The following ARFGAP3 variants were observed in gnomAD, a reference collection of about 807,000 sequenced individuals.
The protein encoded by ARFGAP3 is ARF GTPase activating protein 3, also known as ADP-ribosylation factor GTPase-activating protein 3.
A neutral mutation model predicts 75.0 loss-of-function variants in ARFGAP3; 72 were observed. The observed-to-expected ratio is 0.96, with a 90% CI of 0.79 to 1.17. The LOEUF is 1.17. ARFGAP3 is among the 50% of genes most tolerant of loss of function. ARFGAP3 has a pLI of 0.00. For synonymous variants in ARFGAP3, 221 were observed against 217.9 expected, an observed-to-expected ratio of 1.01 and a Z score of -0.13; for missense variants, 620 against 626.6, an observed-to-expected ratio of 0.99 and a Z score of 0.11.
At chr22:42,857,055 GC>G in intron 1 of ARFGAP3, 58 bp downstream of exon 1, 1 of 1,458,260 alleles carries the variant, frequency 6.9e-7, no homozygotes, top group Admixed American at 2.5e-5. Flanking sequence ...CGCCCGCGGG[GC>G]CTCCCGCCGG....
At chr22:42,852,266 C>T (rs1927309514) in intron 1 of ARFGAP3, among the ~76,000 whole-genome samples, 1 of 152,014 alleles carries the variant, frequency 6.6e-6, no homozygotes, top group Admixed American at 6.6e-5. Context: ...ACCATGTTGC[C>T]CAGGCTGGTG....
At chr22:42,818,134 T>G (rs1471468608) in intron 9 of ARFGAP3, among the ~76,000 whole-genome samples, 3 of 152,224 alleles carry the variant, frequency 2.0e-5, no homozygotes, top group Non-Finnish European at 4.4e-5. Flanking sequence ...AATAACATAA[T>G]GTATACCCAA....
chr22:42,805,952 C>T (rs1055969811), intron 14 of ARFGAP3, among the ~76,000 whole-genome samples: 2 of 152,210 alleles, frequency 1.3e-5, no homozygotes, highest in African/African-American at 2.4e-5. Context: ...CACTGCACCC[C>T]GAGGGCCACA....
intron 12 of ARFGAP3, among the ~76,000 whole-genome samples, chr22:42,810,590 G>A (rs2146534173): frequency 6.6e-6 from 1 of 152,348 alleles, no homozygotes; most frequent in East Asian, 1.9e-4. Context: ...GACTTACTCT[G>A]TTGACCAGGC....
chr22:42,819,804 ACACT>A (rs1293498135), intron 9 of ARFGAP3, among the ~76,000 whole-genome samples: 1 of 152,196 alleles, frequency 6.6e-6, no homozygotes. Context: ...TTGCAACATA[ACACT>A]CATGTATTAA....
chr22:42,801,606 C>T (rs1339751426), intron 14 of ARFGAP3, among the ~76,000 whole-genome samples: 1 of 152,220 alleles, frequency 6.6e-6, no homozygotes, highest in Non-Finnish European at 1.5e-5. Context: ...CTGGCACTGG[C>T]CATGGGACAT....
chr22:42,812,915 C>T (rs1057275874), intron 11 of ARFGAP3, among the ~76,000 whole-genome samples: 3 of 152,250 alleles, frequency 2.0e-5, no homozygotes, highest in African/African-American at 7.2e-5. Context: ...ATCTGTACTG[C>T]ACCCAGGCTC....
chr22:42,833,252 C>T (rs1233926713), intron 5 of ARFGAP3, among the ~76,000 whole-genome samples: 2 of 152,156 alleles, frequency 1.3e-5, no homozygotes, highest in African/African-American at 4.8e-5. Context: ...ACTACATAAA[C>T]AGCAAAACTG....
At chr22:42,806,951 A>G (rs1925149889) in intron 14 of ARFGAP3, 122 bp downstream of exon 14, 1 of 989,232 alleles carries the variant, frequency 1.0e-6, no homozygotes, top group African/African-American at 1.6e-5. Context: ...GACTTATAGC[A>G]GAGATCAGAG....
chr22:42,855,456 C>T (rs182696558), intron 1 of ARFGAP3, among the ~76,000 whole-genome samples: 1 of 152,036 alleles, frequency 6.6e-6, no homozygotes, highest in South Asian at 2.1e-4. Flanking sequence ...GAGGCCGAGG[C>T]GGGTGGATCA....
intron 11 of ARFGAP3, among the ~76,000 whole-genome samples, chr22:42,815,568 T>A (rs187920850): frequency 3.6e-4 from 55 of 152,316 alleles, no homozygotes; most frequent in African/African-American, 1.3e-3. Flanking sequence ...GTAATATATT[T>A]ATATCTGTTC....
At chr22:42,834,390 C>T (rs1378270185) in intron 4 of ARFGAP3, 65 bp from the exon 5 acceptor site, 2 of 1,572,978 alleles carry the variant, frequency 1.3e-6, no homozygotes, top group Non-Finnish European at 1.7e-6. Flanking sequence ...TTATTTGATA[C>T]CTTTCACTTC....
At position 42,805,939 on chromosome 22, in the gene ARFGAP3, G is replaced by A. The variant is rs373711821; in HGVS notation, c.1411+1134C>T. On this transcript the variant is annotated intron_variant, in intron 14 of 15. Coordinates refer to ENST00000263245, the MANE Select transcript of ARFGAP3 (RefSeq NM_014570.5). The stretch of plus-strand genomic sequence containing the variant: ...CACTGCAGCACAGCAACTTGGCAGT[G>A]CCCACTGCACCCCGAGGGCCACAGT... Among the ~76,000 whole-genome samples, 184 of 152,330 alleles carry A rather than the reference G, an allele frequency of 1.2e-3. 7 individuals are homozygous for A. The South Asian group carries it at 0.037, about 31-fold the overall frequency.
chr22:42,841,013 A>G lies in ARFGAP3; in HGVS notation c.192T>C (p.Ser64=), dbSNP rs1341030625. 5.0e-6 allele frequency: 8 copies of G among 1,613,774 alleles called. 1 individual carries two copies. Among genetic ancestry groups the G allele is most frequent in the Non-Finnish European group, 6.8e-6 (8 of 1,179,932 alleles). ...SLGVHLSFIR[S]TELDSNWSWF... ...ATGACCAGTTGGAATCCAACTCTGT[A>G]GATCTAAATGGAAAGAATATTACTA... The change falls in exon 3 of 16, where the codon TCT becomes TCC. Residue 64 remains serine, a synonymous_variant. Coordinates refer to ENST00000263245, the MANE Select transcript of ARFGAP3 (RefSeq NM_014570.5).
At chr22:42,843,725 G>T (rs1042660074) in intron 2 of ARFGAP3, among the ~76,000 whole-genome samples, 1 of 152,146 alleles carries the variant, frequency 6.6e-6, no homozygotes, top group Non-Finnish European at 1.5e-5. Flanking sequence ...CAACAAGATC[G>T]ATGCAGGGAT....
chr22:42,818,425 CTAA>C lies in ARFGAP3; in HGVS notation c.813-571_813-569del, dbSNP rs1446351609. Among the ~76,000 whole-genome samples the C allele has an allele frequency of 2.6e-5, 4 of 152,108 alleles. No homozygotes were observed. The East Asian group carries it at 7.7e-4, about 29-fold the overall frequency. On this transcript the variant is annotated intron_variant, in intron 9 of 15. Coordinates refer to ENST00000263245, the MANE Select transcript of ARFGAP3 (RefSeq NM_014570.5). ...TTAAAATGGGATAGTGACTCATCAG[CTAA>C]TAGACTCTTTAGCACTACTAGTCAG...
chr22:42,832,538 A>G (rs1445381436), intron 5 of ARFGAP3, among the ~76,000 whole-genome samples: 3 of 151,990 alleles, frequency 2.0e-5, no homozygotes, highest in Non-Finnish European at 2.9e-5. Flanking sequence ...CATCTCAAAA[A>G]AAAAAAAAAC....
At chr22:42,813,655 G>A (rs1030293894) in intron 11 of ARFGAP3, among the ~76,000 whole-genome samples, 2 of 152,152 alleles carry the variant, frequency 1.3e-5, no homozygotes, top group African/African-American at 2.4e-5. Context: ...GCTGGCTGGC[G>A]GCTTCTCTGT....
chr22:42,819,628 A>G (rs1166357487), intron 9 of ARFGAP3, among the ~76,000 whole-genome samples: 1 of 152,154 alleles, frequency 6.6e-6, no homozygotes, highest in African/African-American at 2.4e-5. Context: ...CTTCCTACCA[A>G]GTGGGCACAC....
Sources: allele counts gnomAD v4.1 joint callset (sites outside exome capture counted in the v4.1 genomes callset), GRCh38; gene constraint gnomAD v4.1.1; transcripts MANE v1.5; gene names NCBI Gene and HGNC (gene_info 2026-07-23, HGNC 2026-07-21).